ROBO1: variants seen among roughly 807,000 people sequenced by gnomAD.
ROBO1 encodes roundabout homolog 1.
Under a neutral mutation model 195.9 loss-of-function variants are expected in ROBO1, and 149 were observed. The observed-to-expected ratio is 0.76, with a 90% CI of 0.67 to 0.87. The LOEUF is 0.87. Ranked by LOEUF, ROBO1 falls within the 40% of genes least tolerant of loss-of-function variation. ROBO1 has a pLI of 0.00. For synonymous variants in ROBO1, 816 were observed against 733.2 expected (o/e 1.11, Z -1.82); for missense variants, 1,933 against 2,068.3 (o/e 0.93, Z 1.27).
intron 4 of ROBO1, among the ~76,000 whole-genome samples, chr3:78,891,213 A>C (rs1173393782): frequency 6.6e-6 from 1 of 152,196 alleles, no homozygotes; most frequent in Non-Finnish European, 1.5e-5. Flanking sequence ...ACAATGGAAA[A>C]AATACAAAAA....
At chr3:79,569,019 T>G (rs2107738575) in intron 2 of ROBO1, among the ~76,000 whole-genome samples, 1 of 152,324 alleles carries the variant, frequency 6.6e-6, no homozygotes, top group Non-Finnish European at 1.5e-5. Flanking sequence ...TCAGCTGTTT[T>G]AGAAAAAAAA....
intron 1 of ROBO1, among the ~76,000 whole-genome samples, chr3:79,702,418 T>C (rs1470579356): frequency 6.6e-6 from 1 of 151,870 alleles, no homozygotes; most frequent in Non-Finnish European, 1.5e-5. Context: ...AATTTATAAC[T>C]CATTGTCTCT....
At chr3:78,719,719 T>G (rs2081995963) in intron 5 of ROBO1, among the ~76,000 whole-genome samples, 1 of 152,138 alleles carries the variant, frequency 6.6e-6, no homozygotes, top group Non-Finnish European at 1.5e-5. Context: ...TTTACTACAT[T>G]TTACCTAACT....
intron 2 of ROBO1, among the ~76,000 whole-genome samples, chr3:79,290,890 T>C (rs2032202165): frequency 6.6e-6 from 1 of 152,170 alleles, no homozygotes; most frequent in Non-Finnish European, 1.5e-5. Context: ...TCCAGGTCAC[T>C]ACCCACATTA....
At chr3:78,780,040 G>C (rs1423384553) in intron 4 of ROBO1, among the ~76,000 whole-genome samples, 1 of 152,104 alleles carries the variant, frequency 6.6e-6, no homozygotes, top group African/African-American at 2.4e-5. Context: ...TCACTCACAA[G>C]GGGGAGTTTT....
intron 2 of ROBO1, among the ~76,000 whole-genome samples, chr3:79,453,871 G>A (rs1299119047): frequency 6.6e-6 from 1 of 152,098 alleles, no homozygotes; most frequent in Non-Finnish European, 1.5e-5. Context: ...AGTCATGGGA[G>A]AAGAAGGCTC....
At chr3:78,963,111 T>TATA (rs1560055554) in intron 3 of ROBO1, among the ~76,000 whole-genome samples, 1 of 143,590 alleles carries the variant, frequency 7.0e-6, no homozygotes, top group African/African-American at 2.7e-5. Flanking sequence ...ATATATATAT[T>TATA]ACCTTGCAAT....
chr3:79,531,204 A>G (rs1369702000), intron 2 of ROBO1, among the ~76,000 whole-genome samples: 2 of 152,184 alleles, frequency 1.3e-5, no homozygotes, highest in Non-Finnish European at 2.9e-5. Flanking sequence ...ATTTATTTAT[A>G]TGTCCTAAAT....
chr3:79,360,957 G>A (rs1289326072), intron 2 of ROBO1, among the ~76,000 whole-genome samples: 1 of 152,054 alleles, frequency 6.6e-6, no homozygotes, highest in African/African-American at 2.4e-5. Flanking sequence ...TCAATAAATT[G>A]ATCCATGGTG....
chr3:79,340,831 G>T (rs892475674), intron 2 of ROBO1, among the ~76,000 whole-genome samples: 39 of 152,182 alleles, frequency 2.6e-4, no homozygotes, highest in Non-Finnish European at 5.9e-5. Context: ...CATGTGCAAA[G>T]GTGAGGAGGC....
At chr3:78,692,433 C>A (rs2081195968) in intron 8 of ROBO1, among the ~76,000 whole-genome samples, 1 of 151,866 alleles carries the variant, frequency 6.6e-6, no homozygotes, top group Non-Finnish European at 1.5e-5. Flanking sequence ...TCACATCTGG[C>A]TGACTTTTGT....
At chr3:79,664,989 T>C (rs1946434745) in intron 1 of ROBO1, among the ~76,000 whole-genome samples, 2 of 152,010 alleles carry the variant, frequency 1.3e-5, no homozygotes, top group South Asian at 2.1e-4. Flanking sequence ...ATATTAATAT[T>C]AGTTTGATTT....
intron 3 of ROBO1, among the ~76,000 whole-genome samples, chr3:79,050,333 A>G (rs1248546420): frequency 1.3e-5 from 2 of 152,210 alleles, no homozygotes; most frequent in African/African-American, 4.8e-5. Flanking sequence ...GGATCAATTC[A>G]ACAAGAAGAA....
At chr3:78,817,714 A>G (rs2030255220) in intron 4 of ROBO1, among the ~76,000 whole-genome samples, 1 of 152,214 alleles carries the variant, frequency 6.6e-6, no homozygotes, top group African/African-American at 2.4e-5. Context: ...AAGACAGGGA[A>G]GTTCAGCATC....
intron 3 of ROBO1, among the ~76,000 whole-genome samples, chr3:79,051,435 A>G (rs1476498149): frequency 6.6e-6 from 1 of 152,192 alleles, no homozygotes; most frequent in African/African-American, 2.4e-5. Context: ...AACCAAAAAA[A>G]GTCCAGGACC....
At chr3:79,165,169 G>A (rs1041597657) in intron 2 of ROBO1, among the ~76,000 whole-genome samples, 14 of 152,174 alleles carry the variant, frequency 9.2e-5, no homozygotes, top group African/African-American at 2.9e-4. Context: ...TGGCACACAG[G>A]AAGATGTTCA....
At position 79,534,524 on chromosome 3, in the gene ROBO1, A is replaced by T. The variant is rs1388499573; in HGVS notation, c.88+55300T>A. Among the ~76,000 whole-genome samples the T allele has an allele frequency of 7.2e-5, 11 of 152,188 alleles. 1 individual carries two copies. On this transcript the variant is annotated intron_variant, in intron 2 of 30. Transcript: ENST00000464233. ...ATATTGTTAGATTCAATTCTCAGAC[A>T]AAGCCTGAAAATCTCTGTAACGCTG...
At chr3:78,692,878 C>T (rs2081206062) in intron 8 of ROBO1, 1 of 153,034 alleles carries the variant, frequency 6.5e-6, no homozygotes, top group Non-Finnish European at 1.5e-5. Context: ...GTCCTAAGGG[C>T]AAGGCTATTA....
At chr3:78,776,013 A>G (rs979910845) in intron 4 of ROBO1, among the ~76,000 whole-genome samples, 1 of 152,148 alleles carries the variant, frequency 6.6e-6, no homozygotes, top group Non-Finnish European at 1.5e-5. Context: ...AAGCATGCCT[A>G]TGGGTTCAGA....
Sources: gnomAD v4.1 joint callset for allele counts (sites outside exome capture counted in the v4.1 genomes callset) on GRCh38, gnomAD v4.1.1 for gene constraint, MANE v1.5 for transcripts, NCBI Gene and HGNC (gene_info 2026-07-23, HGNC 2026-07-21) for gene names.